Variants in UQCRC2 observed in about 807,000 individuals in gnomAD.
UQCRC2 encodes the protein ubiquinol-cytochrome c reductase core protein 2, also known as cytochrome b-c1 complex subunit 2, mitochondrial.
A neutral mutation model predicts 55.6 loss-of-function variants in UQCRC2; 49 were observed. The observed-to-expected ratio is 0.88, with a 90% CI of 0.70 to 1.12. UQCRC2 has a LOEUF of 1.12. Among genes scored for constraint, UQCRC2 ranks in the 50% most tolerant of loss-of-function variants. The probability of loss-of-function intolerance (pLI) is 0.00; values close to 1 mark genes in which losing one functional copy is unlikely to be tolerated. For synonymous variants in UQCRC2, 193 were observed against 192.0 expected (o/e 1.01, Z -0.04); for missense variants, 506 against 547.8 (o/e 0.92, Z 0.76).
At chr16:21,953,518 AG>A in intron 1 of UQCRC2, 62 bp downstream of exon 1, 1 of 1,588,928 alleles carries the variant, frequency 6.3e-7, no homozygotes, top group Non-Finnish European at 8.6e-7. Flanking sequence ...AGGTGATACG[AG>A]GCGGAGGTGT....
At chr16:21,974,950 G>A (rs1597965696) in intron 11 of UQCRC2, among the ~76,000 whole-genome samples, 1 of 152,188 alleles carries the variant, frequency 6.6e-6, no homozygotes, top group South Asian at 2.1e-4. Context: ...AAGTAGTGAA[G>A]TTTGGGACAG....
At chr16:21,953,554 A>G (rs1898045968) in intron 1 of UQCRC2, 98 bp downstream of exon 1, 1 of 1,470,440 alleles carries the variant, frequency 6.8e-7, no homozygotes, top group African/African-American at 1.4e-5. Flanking sequence ...GGGCCTTGGG[A>G]TTCGGTCTGC....
At chr16:21,980,948 C>G (rs1898710401) in intron 13 of UQCRC2, among the ~76,000 whole-genome samples, 1 of 152,254 alleles carries the variant, frequency 6.6e-6, no homozygotes, top group East Asian at 1.9e-4. Context: ...AGTAAGAGGG[C>G]TGCCATCCAC....
chr16:21,968,955 T>C (rs1898392849), intron 8 of UQCRC2, among the ~76,000 whole-genome samples: 1 of 152,220 alleles, frequency 6.6e-6, no homozygotes, highest in Admixed American at 6.5e-5. Context: ...AAAGAGCTTT[T>C]ACAAACTTTT....
intron 1 of UQCRC2, among the ~76,000 whole-genome samples, chr16:21,956,173 T>C (rs1005410787): frequency 6.6e-6 from 1 of 151,890 alleles, no homozygotes; most frequent in African/African-American, 2.4e-5. Flanking sequence ...GATGAAACCA[T>C]TTCAATTGGA....
At chr16:21,963,177 A>G (rs1246988526) in intron 6 of UQCRC2, 1 of 211,626 alleles carries the variant, frequency 4.7e-6, no homozygotes, top group African/African-American at 2.3e-5. Context: ...TTTAGTAGAA[A>G]CAGGGTTTTG....
intron 13 of UQCRC2, among the ~76,000 whole-genome samples, chr16:21,982,613 C>T (rs1339580244): frequency 6.6e-6 from 1 of 152,146 alleles, no homozygotes; most frequent in Non-Finnish European, 1.5e-5. Flanking sequence ...CAAATTAAAG[C>T]ACCAGCCATC....
At chr16:21,965,071 A>G (rs187121395) in intron 6 of UQCRC2, among the ~76,000 whole-genome samples, 2 of 149,964 alleles carry the variant, frequency 1.3e-5, no homozygotes, top group African/African-American at 4.8e-5. Context: ...ACATGGCAAG[A>G]TGGCGGCAGA....
chr16:21,974,845 A>G (rs935172763), intron 11 of UQCRC2, among the ~76,000 whole-genome samples: 4 of 152,228 alleles, frequency 2.6e-5, no homozygotes, highest in African/African-American at 9.6e-5. Context: ...CAGACAGGCT[A>G]ATATTGGAAG....
At chr16:21,963,900 A>C (rs891762644) in intron 6 of UQCRC2, among the ~76,000 whole-genome samples, 1 of 152,162 alleles carries the variant, frequency 6.6e-6, no homozygotes, top group Non-Finnish European at 1.5e-5. Context: ...TTCCAAAGTA[A>C]GTAACTTAAT....
At chr16:21,975,334 G>A (rs1364347815) in intron 11 of UQCRC2, among the ~76,000 whole-genome samples, 3 of 152,180 alleles carry the variant, frequency 2.0e-5, no homozygotes, top group African/African-American at 4.8e-5. Flanking sequence ...TAAGGATAGT[G>A]AGATTAAAGA....
At chr16:21,978,634 C>T (rs1034393557) in intron 12 of UQCRC2, among the ~76,000 whole-genome samples, 1 of 152,052 alleles carries the variant, frequency 6.6e-6, no homozygotes, top group African/African-American at 2.4e-5. Context: ...AGTTCTAGTC[C>T]CAAATCAAAA....
intron 7 of UQCRC2, among the ~76,000 whole-genome samples, chr16:21,967,674 C>G (rs2141937119): frequency 6.6e-6 from 1 of 152,188 alleles, no homozygotes; most frequent in Middle Eastern, 3.4e-3. Flanking sequence ...TATTTTATAT[C>G]AGTCTGTAGG....
Position 21,983,107 on chromosome 16 carries a change from C to G in UQCRC2, c.1298C>G (p.Ser433Cys). Residue 433 changes from serine to cysteine, a missense_variant, in exon 14 of 14, where the codon TCT becomes TGT. Transcript: ENST00000268379. ...TTAAAGGCGGCAAAGAAGTTTGTTT[C>G]TGGCCAGAAGTCAATGGCAGCAAGT... ...DIINAAKKFV[S>C]GQKSMAASGN... is the part of the protein sequence containing the mutation. 1 of 1,613,420 alleles carries G rather than the reference C, an allele frequency of 6.2e-7. No homozygotes were observed. The highest frequency in any genetic ancestry group is 8.5e-7 in the Non-Finnish European group (1 of 1,179,898).
intron 12 of UQCRC2, among the ~76,000 whole-genome samples, chr16:21,979,637 T>C (rs1898667369): frequency 6.6e-6 from 1 of 152,220 alleles, no homozygotes; most frequent in Admixed American, 6.5e-5. Flanking sequence ...GCCATTTTTA[T>C]GGCATAGCTC....
rs1046953655 is a variant in UQCRC2, at chr16:21,971,867, A to G, written c.767-56A>G. Reference sequence around the variant, plus strand: ...GTGTTGTAGGAAATACTGGAGAATGAAACCAATGGTGAACAAGCCATTTTC... The same window carrying G: ...GTGTTGTAGGAAATACTGGAGAATGGAACCAATGGTGAACAAGCCATTTTC... On this transcript the variant is annotated intron_variant, in intron 9 of 13. Transcript: ENST00000268379. 4 of 1,605,982 alleles carry G rather than the reference A, an allele frequency of 2.5e-6. No individual in the cohort carries two copies. The African/African-American group carries it at 5.3e-5, about 21-fold the overall frequency.
intron 11 of UQCRC2, among the ~76,000 whole-genome samples, chr16:21,974,220 T>C (rs984294049): frequency 3.9e-5 from 6 of 152,186 alleles, no homozygotes; most frequent in Admixed American, 2.0e-4. Flanking sequence ...ACAAGTTGCA[T>C]TGAGTTGGCT....
In UQCRC2 at chr16:21,972,120, G is replaced by T; in HGVS notation, c.964G>T (p.Asp322Tyr). 6.2e-7 allele frequency: 1 copy of T among 1,612,710 alleles called. No individual in the cohort carries two copies. Among genetic ancestry groups the T allele is most frequent in the Non-Finnish European group, 8.5e-7 (1 of 1,179,304 alleles). ...TGCCAAGGCAACTCAGCAGCCATTT[G>T]ATGTGAGTCTGAACAGTTGGTATCT... ...AVAKATQQPFDVSAFNASYSD... is the reference protein window; with the variant it reads ...AVAKATQQPFYVSAFNASYSD... Residue 322 changes from aspartate (D) to tyrosine (Y), a missense_variant and splice_region_variant, in exon 10 of 14, where the codon GAT becomes TAT. Coordinates refer to ENST00000268379, the MANE Select transcript of UQCRC2 (RefSeq NM_003366.4).
chr16:21,965,303 C>G, intron 6 of UQCRC2, 105 bp from the exon 7 acceptor site: 2 of 990,642 alleles, frequency 2.0e-6, no homozygotes, highest in South Asian at 2.8e-5. Context: ...CATATGAATG[C>G]CAGAAGATGA....
Sources: allele counts gnomAD v4.1 joint callset (sites outside exome capture counted in the v4.1 genomes callset), GRCh38; gene constraint gnomAD v4.1.1; transcripts MANE v1.5; gene names NCBI Gene and HGNC (gene_info 2026-07-23, HGNC 2026-07-21).